The following ATF6 variants were observed in gnomAD, a reference collection of about 807,000 sequenced individuals.
ATF6 encodes the protein cyclic AMP-dependent transcription factor ATF-6 alpha.
Under a neutral mutation model 83.6 loss-of-function variants are expected in ATF6, and 53 were observed. The observed-to-expected ratio is 0.63, with a 90% CI of 0.51 to 0.80. The LOEUF (loss-of-function observed/expected upper bound fraction) is 0.80, where lower values mean the gene tolerates loss of function less well. Among genes scored for constraint, ATF6 ranks in the 30% least tolerant of loss-of-function variants. The pLI is 0.00. For synonymous variants in ATF6, 288 were observed against 285.8 expected (o/e 1.01, Z -0.08); for missense variants, 744 against 797.9 (o/e 0.93, Z 0.81).
intron 14 of ATF6, chr1:161,890,994 C>T (rs1378856281): frequency 1.3e-5 from 2 of 152,216 alleles, no homozygotes; most frequent in Non-Finnish European, 2.9e-5. Context: ...AGATTTGTTT[C>T]GAGCCCGTAT....
intron 1 of ATF6, among the ~76,000 whole-genome samples, chr1:161,771,055 T>C (rs962894837): frequency 8.5e-5 from 13 of 152,248 alleles, no homozygotes; most frequent in Non-Finnish European, 4.4e-5. Flanking sequence ...TATGTTTTAA[T>C]TTGCAGTTTC....
chr1:161,939,669 C>T (rs1688606468), intron 15 of ATF6, among the ~76,000 whole-genome samples: 1 of 152,196 alleles, frequency 6.6e-6, no homozygotes, highest in Non-Finnish European at 1.5e-5. Flanking sequence ...CAGATGGCTG[C>T]TTCAGCCCCT....
At chr1:161,808,726 A>C (rs1166549573) in intron 7 of ATF6, among the ~76,000 whole-genome samples, 1 of 150,418 alleles carries the variant, frequency 6.6e-6, no homozygotes, top group Non-Finnish European at 1.5e-5. Flanking sequence ...CACCTGGCTA[A>C]ATTTTGATTT....
intron 12 of ATF6, among the ~76,000 whole-genome samples, chr1:161,857,260 A>G (rs1211636538): frequency 6.6e-6 from 1 of 151,952 alleles, no homozygotes; most frequent in African/African-American, 2.4e-5. Flanking sequence ...AATATTCTGT[A>G]ATTTTAGTGA....
At chr1:161,835,673 G>C (rs1686195909) in intron 9 of ATF6, among the ~76,000 whole-genome samples, 1 of 152,196 alleles carries the variant, frequency 6.6e-6, no homozygotes, top group Non-Finnish European at 1.5e-5. Flanking sequence ...CCTCTGTATA[G>C]ATAGGTTTGT....
intron 11 of ATF6, among the ~76,000 whole-genome samples, chr1:161,852,094 G>A (rs1292242165): frequency 6.6e-6 from 1 of 152,140 alleles, no homozygotes; most frequent in Non-Finnish European, 1.5e-5. Flanking sequence ...AAAATTTCAT[G>A]GTGTTAGGCT....
intron 14 of ATF6, among the ~76,000 whole-genome samples, chr1:161,903,094 C>G (rs554318456): frequency 6.6e-6 from 1 of 152,134 alleles, no homozygotes; most frequent in East Asian, 1.9e-4. Flanking sequence ...TTAGTTTCTT[C>G]CAACTCTGCT....
chr1:161,798,600 C>G (rs1355459686), intron 6 of ATF6, among the ~76,000 whole-genome samples: 4 of 151,664 alleles, frequency 2.6e-5, no homozygotes, highest in Non-Finnish European at 5.9e-5. Context: ...TGACAGAGCT[C>G]AAAAATCAAT....
chr1:161,900,299 C>T (rs1335419813), intron 14 of ATF6, among the ~76,000 whole-genome samples: 1 of 152,044 alleles, frequency 6.6e-6, no homozygotes, highest in East Asian at 1.9e-4. Context: ...AACTGGTTTC[C>T]TTTATGTCAT....
intron 9 of ATF6, among the ~76,000 whole-genome samples, chr1:161,833,752 T>C (rs1177348552): frequency 2.6e-5 from 4 of 152,286 alleles, no homozygotes; most frequent in African/African-American, 9.6e-5. Context: ...AATATGGGAC[T>C]ATGTGAAAAG....
intron 9 of ATF6, among the ~76,000 whole-genome samples, chr1:161,822,377 G>A (rs1336297680): frequency 6.6e-6 from 1 of 152,170 alleles, no homozygotes; most frequent in East Asian, 1.9e-4. Flanking sequence ...GTCTTGGGCA[G>A]TGGTATCACA....
chr1:161,893,907 A>G (rs1428576177), intron 14 of ATF6, among the ~76,000 whole-genome samples: 9 of 152,150 alleles, frequency 5.9e-5, no homozygotes, highest in Admixed American at 5.9e-4. Context: ...AATTTTCTCC[A>G]ATCCCTGGCA....
At chr1:161,830,730 A>G (rs1196906590) in intron 9 of ATF6, among the ~76,000 whole-genome samples, 1 of 152,260 alleles carries the variant, frequency 6.6e-6, no homozygotes, top group Non-Finnish European at 1.5e-5. Flanking sequence ...GGTGCTGGGA[A>G]AACTGGCTAG....
chr1:161,900,792 A>T (rs1331392368), intron 14 of ATF6, among the ~76,000 whole-genome samples: 2 of 152,166 alleles, frequency 1.3e-5, no homozygotes, highest in Non-Finnish European at 2.9e-5. Context: ...AAAACTAATG[A>T]TCTTCAGTTA....
intron 14 of ATF6, among the ~76,000 whole-genome samples, chr1:161,863,994 G>A (rs1004761042): frequency 2.0e-5 from 3 of 152,136 alleles, no homozygotes; most frequent in Non-Finnish European, 4.4e-5. Flanking sequence ...CTCTGTTAGA[G>A]TGCTGTAGGT....
intron 15 of ATF6, among the ~76,000 whole-genome samples, chr1:161,915,332 A>G (rs138991542): frequency 1.1e-4 from 17 of 152,322 alleles, no homozygotes; most frequent in African/African-American, 4.1e-4. Context: ...CTCATCTGTA[A>G]AAGAAGATAT....
chr1:161,846,554 TGG>T lies in ATF6; in HGVS notation c.1294_1295del (p.Gly432TyrfsTer10), dbSNP rs1374335960. On this transcript the variant is annotated frameshift_variant, in exon 10 of 16. Coordinates refer to ENST00000367942, the MANE Select transcript of ATF6 (RefSeq NM_007348.4). LOFTEE classifies it high-confidence loss of function. ...CTAAAGAGGCACAGGACACATCAGA[TGG>T]TATTATCCAGAAAAACAGCTACAGG... is the stretch of plus-strand genomic sequence containing the variant. The part of the protein sequence containing the change: ...SAKEAQDTSD[G>X]IIQKNSYRYD... The T allele has an allele frequency of 9.3e-6, 15 of 1,609,344 alleles. No homozygotes were observed. The highest frequency in any genetic ancestry group is 1.3e-5 in the Non-Finnish European group (15 of 1,177,276).
At chr1:161,950,903 C>T (rs892420019) in intron 15 of ATF6, among the ~76,000 whole-genome samples, 12 of 152,222 alleles carry the variant, frequency 7.9e-5, no homozygotes, top group East Asian at 3.9e-4. Context: ...TGTTTGAGAT[C>T]GATGAAATGA....
At chr1:161,876,657 C>T (rs1369779310) in intron 14 of ATF6, among the ~76,000 whole-genome samples, 1 of 151,892 alleles carries the variant, frequency 6.6e-6, no homozygotes, top group African/African-American at 2.4e-5. Context: ...GCATAAGCGA[C>T]AAGAAGATAG....
Sources: allele counts gnomAD v4.1 joint callset (sites outside exome capture counted in the v4.1 genomes callset), GRCh38; gene constraint gnomAD v4.1.1; transcripts MANE v1.5; gene names NCBI Gene and HGNC (gene_info 2026-07-23, HGNC 2026-07-21).